The following GARRE1 variants were observed in gnomAD, a reference collection of about 807,000 sequenced individuals.
GARRE1 encodes the protein granule associated Rac and RHOG effector 1, also known as granule associated Rac and RHOG effector protein 1.
Under a neutral mutation model 103.2 loss-of-function variants are expected in GARRE1, and 49 were observed. That is an observed-to-expected ratio of 0.47 (90% CI 0.38 to 0.60). GARRE1 has a LOEUF of 0.60. Among genes scored for constraint, GARRE1 ranks in the 20% least tolerant of loss-of-function variants. GARRE1 has a pLI of 0.00. For synonymous variants in GARRE1, 505 were observed against 532.8 expected (o/e 0.95, Z 0.72); for missense variants, 1,199 against 1,370.5 (o/e 0.87, Z 1.98).
rs552800695 is a variant in GARRE1, at chr19:34,262,190, G to A, written c.-796+7576G>A. Among the ~76,000 whole-genome samples, 185 of 150,694 alleles carry A rather than the reference G, an allele frequency of 1.2e-3. 2 individuals carry two copies. The Middle Eastern group carries it at 0.017, about 14-fold the overall frequency. On this transcript the variant is annotated intron_variant, in intron 1 of 13. Coordinates refer to ENST00000299505, the MANE Select transcript of GARRE1 (RefSeq NM_014686.5). ...AATAGAGGCGGGGTTTCACCATATTGGCCAGGCTGGTCTTGAACTCCTTAC... is the reference window on the plus strand; with the variant it reads ...AATAGAGGCGGGGTTTCACCATATTAGCCAGGCTGGTCTTGAACTCCTTAC...
chr19:34,346,464 A>C (rs574168416), intron 10 of GARRE1, among the ~76,000 whole-genome samples: 2 of 152,226 alleles, frequency 1.3e-5, no homozygotes, highest in East Asian at 3.9e-4. Flanking sequence ...ACTAGATCAA[A>C]CTTTAGCTTA....
At chr19:34,290,395 A>G (rs2073911032) in intron 1 of GARRE1, among the ~76,000 whole-genome samples, 1 of 152,104 alleles carries the variant, frequency 6.6e-6, no homozygotes, top group Non-Finnish European at 1.5e-5. Flanking sequence ...TAATATTCCT[A>G]ATGTACCAAA....
intron 2 of GARRE1, among the ~76,000 whole-genome samples, chr19:34,311,183 G>A (rs1294529448): frequency 6.6e-6 from 1 of 151,986 alleles, no homozygotes; most frequent in African/African-American, 2.4e-5. Flanking sequence ...GTAGAGTTGG[G>A]GTTCCATTAC....
At chr19:34,256,109 G>C (rs572546066) in intron 1 of GARRE1, among the ~76,000 whole-genome samples, 2 of 151,964 alleles carry the variant, frequency 1.3e-5, no homozygotes, top group African/African-American at 4.8e-5. Context: ...AAAGTGCTGG[G>C]ATTATAGGCG....
intron 2 of GARRE1, among the ~76,000 whole-genome samples, chr19:34,316,228 G>A (rs2145256415): frequency 6.6e-6 from 1 of 152,292 alleles, no homozygotes; most frequent in East Asian, 1.9e-4. Context: ...AACATAAGGT[G>A]CTTGGTATTT....
chr19:34,352,967 C>T lies in GARRE1; in HGVS notation c.*12C>T, dbSNP rs1185826147. On this transcript the variant is annotated 3_prime_UTR_variant, in exon 14 of 14. Transcript: ENST00000299505. ...TGCCCCAGTACTGACCCCAGGCCAG[C>T]CAGCCTGCCTGCCTGCCTGCCTGCC... 6.9e-6 allele frequency: 10 copies of T among 1,456,026 alleles called. No individual in the cohort carries two copies. Among genetic ancestry groups the T allele is most frequent in the Non-Finnish European group, 9.0e-6 (10 of 1,112,186 alleles). 90.2% of individuals were successfully genotyped at this position (1,456,026 alleles called of 1,614,324 possible).
intron 1 of GARRE1, among the ~76,000 whole-genome samples, chr19:34,269,199 G>A (rs1198763784): frequency 2.6e-5 from 4 of 152,182 alleles, no homozygotes; most frequent in Non-Finnish European, 5.9e-5. Context: ...GTTTGTGGTG[G>A]TAAATTGTTA....
chr19:34,291,341 A>C (rs900943851), intron 1 of GARRE1, among the ~76,000 whole-genome samples: 1 of 152,218 alleles, frequency 6.6e-6, no homozygotes, highest in Non-Finnish European at 1.5e-5. Context: ...ATCCCTGGAA[A>C]ACTTATTTAT....
intron 13 of GARRE1, 69 bp from the exon 14 acceptor site, chr19:34,352,578 C>G (rs2145290376): frequency 1.5e-6 from 2 of 1,321,830 alleles, no homozygotes; most frequent in South Asian, 1.3e-5. Flanking sequence ...AAGGGCCAGG[C>G]ATCTGGGGAG....
chr19:34,256,047 C>A, intron 1 of GARRE1, among the ~76,000 whole-genome samples: 1 of 151,852 alleles, frequency 6.6e-6, no homozygotes, highest in East Asian at 2.0e-4. Context: ...CCCAGTTGAC[C>A]AGGTTGGTCT....
intron 1 of GARRE1, among the ~76,000 whole-genome samples, chr19:34,258,901 T>TA (rs920675202): frequency 2.0e-5 from 3 of 152,076 alleles, no homozygotes; most frequent in Non-Finnish European, 4.4e-5. Flanking sequence ...CTCTGTCTCT[T>TA]AAAAAAATGA....
intron 7 of GARRE1, among the ~76,000 whole-genome samples, chr19:34,332,451 T>G (rs1239178968): frequency 7.0e-6 from 1 of 143,240 alleles, no homozygotes; most frequent in Non-Finnish European, 1.5e-5. Context: ...CACTGTAGAT[T>G]AAAAAAAAAA....
In GARRE1 at chr19:34,292,281, C is replaced by G. The variant is rs569637622; in HGVS notation, c.-795-7398C>G. On this transcript the variant is annotated intron_variant, in intron 1 of 13. Coordinates refer to ENST00000299505, the MANE Select transcript of GARRE1 (RefSeq NM_014686.5). The stretch of plus-strand genomic sequence containing the variant: ...TTAGCACAGTGTTTTTAAGGTTCGT[C>G]CATATTGTAGCATTTATCAGAACCT... Among the ~76,000 whole-genome samples, 6 of 152,286 alleles carry G rather than the reference C, an allele frequency of 3.9e-5. No homozygotes were observed. In the South Asian group the frequency reaches 1.2e-3, roughly 32 times the overall value.
intron 1 of GARRE1, among the ~76,000 whole-genome samples, chr19:34,259,891 T>A (rs1342150587): frequency 6.6e-6 from 1 of 152,246 alleles, no homozygotes; most frequent in East Asian, 1.9e-4. Flanking sequence ...CAAGATCTGA[T>A]GGCTTTATAA....
rs533690207 is a variant in GARRE1 at position 34,309,610 on chromosome 19, G to T, written c.495+8642G>T. The stretch of plus-strand genomic sequence containing the variant: ...CCACCTCAGCCTCCCACAACACGGG[G>T]ATTATAGGCTTGAACCACTGTGCCT... On this transcript the variant is annotated intron_variant, in intron 2 of 13. Coordinates refer to ENST00000299505, the MANE Select transcript of GARRE1 (RefSeq NM_014686.5). 2.0e-5 allele frequency among the ~76,000 whole-genome samples: 3 copies of T among 152,258 alleles called. No homozygotes were observed. The East Asian group carries it at 5.8e-4, about 29-fold the overall frequency.
intron 3 of GARRE1, among the ~76,000 whole-genome samples, chr19:34,326,986 C>T (rs187470056): frequency 8.0e-4 from 122 of 152,038 alleles, no homozygotes; most frequent in Admixed American, 4.3e-3. Flanking sequence ...GAAACCTTGT[C>T]TCTACTAAAA....
chr19:34,254,870 C>A (rs889016666), intron 1 of GARRE1, among the ~76,000 whole-genome samples: 13 of 150,206 alleles, frequency 8.7e-5, no homozygotes, highest in Non-Finnish European at 1.8e-4. Context: ...AACCCGGGAC[C>A]TGGGGGCGCG....
At chr19:34,278,895 C>T (rs1473538078) in intron 1 of GARRE1, among the ~76,000 whole-genome samples, 1 of 152,150 alleles carries the variant, frequency 6.6e-6, no homozygotes, top group Non-Finnish European at 1.5e-5. Flanking sequence ...TAGTCTCAAA[C>T]TGGCCTCAAG....
At chr19:34,264,583 A>G (rs902585904) in intron 1 of GARRE1, among the ~76,000 whole-genome samples, 18 of 152,116 alleles carry the variant, frequency 1.2e-4, no homozygotes, top group Non-Finnish European at 2.2e-4. Context: ...TATTTTTAGT[A>G]GAGACGGGGT....
Sources: allele counts gnomAD v4.1 joint callset (sites outside exome capture counted in the v4.1 genomes callset), GRCh38; gene constraint gnomAD v4.1.1; transcripts MANE v1.5; gene names NCBI Gene and HGNC (gene_info 2026-07-23, HGNC 2026-07-21).